The following UBE2Z variants were observed in gnomAD, a reference collection of about 807,000 sequenced individuals.
UBE2Z encodes ubiquitin conjugating enzyme E2 Z, also known as ubiquitin-conjugating enzyme E2 Z.
In UBE2Z, 10 loss-of-function variants were observed where a neutral mutation model predicts 32.6. That is an observed-to-expected ratio of 0.31 (90% CI 0.19 to 0.52). UBE2Z has a LOEUF of 0.52. UBE2Z is among the 20% of genes least tolerant of loss of function. The pLI, the probability that UBE2Z is intolerant of heterozygous loss-of-function variation, is 0.97. For synonymous variants in UBE2Z, 183 were observed against 190.8 expected (o/e 0.96, Z 0.34); for missense variants, 343 against 480.9 (o/e 0.71, Z 2.68).
intron 6 of UBE2Z, among the ~76,000 whole-genome samples, chr17:48,923,322 A>T (rs1272106870): frequency 9.7e-5 from 1 of 10,306 alleles, no homozygotes; most frequent in Non-Finnish European, 3.7e-3. Context: ...CTCTGTCTCA[A>T]AAAAAAAAAA....
intron 4 of UBE2Z, among the ~76,000 whole-genome samples, chr17:48,919,773 C>T (rs2040746433): frequency 6.6e-6 from 1 of 152,194 alleles, no homozygotes; most frequent in Non-Finnish European, 1.5e-5. Flanking sequence ...CCATCGGGCC[C>T]AGCCCTACTT....
intron 4 of UBE2Z, among the ~76,000 whole-genome samples, chr17:48,916,895 A>C (rs11079841): frequency 0.98 from 149,369 of 152,034 alleles, 73,441 homozygotes; most frequent in East Asian, 1. Context: ...ACTAAAAATA[A>C]AAGAAATTAG....
At chr17:48,910,084 G>A (rs1018791604) in intron 1 of UBE2Z, among the ~76,000 whole-genome samples, 1 of 152,044 alleles carries the variant, frequency 6.6e-6, no homozygotes, top group Admixed American at 6.6e-5. Context: ...ACCCACCCTA[G>A]CAAGTCCCTA....
chr17:48,919,947 C>CT lies in UBE2Z; in HGVS notation c.691-1203dup, dbSNP rs1187040529. On this transcript the variant is annotated intron_variant, in intron 4 of 6. Transcript: ENST00000360943. ...TTTGTCCCACCATCATTCTTTCTGT[C>CT]TTTTTTTTTTCTCCCCCTAAAGAGA... is the stretch of plus-strand genomic sequence containing the variant. Among the ~76,000 whole-genome samples the CT allele has an allele frequency of 6.2e-3, 934 of 149,896 alleles. 9 individuals are homozygous for CT. The highest frequency in any genetic ancestry group is 0.021 in the African/African-American group (857 of 40,918).
intron 5 of UBE2Z, 77 bp from the exon 6 acceptor site, chr17:48,922,770 A>T: frequency 2.5e-6 from 3 of 1,217,186 alleles, no homozygotes; most frequent in Non-Finnish European, 3.5e-6. Context: ...CCATCTGAAA[A>T]AAAAAAAAGG....
chr17:48,918,993 C>T (rs1294886038), intron 4 of UBE2Z, among the ~76,000 whole-genome samples: 3 of 152,036 alleles, frequency 2.0e-5, no homozygotes, highest in African/African-American at 4.8e-5. Flanking sequence ...GCAGTCTGCC[C>T]ACGTCCGCCT....
chr17:48,920,429 G>A (rs949132662), intron 4 of UBE2Z, among the ~76,000 whole-genome samples: 4 of 152,178 alleles, frequency 2.6e-5, no homozygotes, highest in African/African-American at 9.6e-5. Context: ...CCCAGGAGGC[G>A]GAGGTTGCAG....
At chr17:48,914,667 A>G in intron 3 of UBE2Z, among the ~76,000 whole-genome samples, 1 of 152,226 alleles carries the variant, frequency 6.6e-6, no homozygotes, top group East Asian at 1.9e-4. Flanking sequence ...AAGTAGTAGA[A>G]GTGTGTTAGG....
intron 2 of UBE2Z, 122 bp from the exon 3 acceptor site, chr17:48,912,712 T>A: frequency 4.0e-6 from 4 of 1,000,728 alleles, no homozygotes; most frequent in Non-Finnish European, 6.1e-6. Flanking sequence ...ATGGTGAGGA[T>A]ATAGAACATG....
intron 6 of UBE2Z, among the ~76,000 whole-genome samples, chr17:48,925,281 CAAAA>C (rs200181647): frequency 0.017 from 1,815 of 108,260 alleles, 42 homozygotes; most frequent in African/African-American, 0.07. Context: ...GACTCCACCT[CAAAA>C]AAAAAAAAAA....
intron 4 of UBE2Z, among the ~76,000 whole-genome samples, chr17:48,920,928 TG>T (rs2040754082): frequency 6.6e-6 from 1 of 152,070 alleles, no homozygotes; most frequent in South Asian, 2.1e-4. Context: ...TCTAGTTTGC[TG>T]GTGATAGGCC....
At chr17:48,910,516 TGGCTTTTCCA>T (rs766880496) in intron 1 of UBE2Z, 261 of 325,122 alleles carry the variant, frequency 8.0e-4, no homozygotes, top group Admixed American at 1.2e-3. Flanking sequence ...AAGTGGAAAG[TGGCTTTTCCA>T]GGCTGACATT....
intron 2 of UBE2Z, chr17:48,911,227 C>G: frequency 4.1e-6 from 1 of 242,118 alleles, no homozygotes; most frequent in Non-Finnish European, 8.3e-6. Flanking sequence ...CCCAGCTCTT[C>G]CCCCATCCCG....
intron 4 of UBE2Z, among the ~76,000 whole-genome samples, chr17:48,919,254 G>A (rs1179170768): frequency 6.6e-6 from 1 of 152,100 alleles, no homozygotes; most frequent in Admixed American, 6.5e-5. Context: ...AAAGTGCTGG[G>A]ATTACAGGTG....
intron 4 of UBE2Z, 45 bp from the exon 5 acceptor site, chr17:48,921,115 T>A (rs2040755143): frequency 6.5e-7 from 1 of 1,535,648 alleles, no homozygotes; most frequent in African/African-American, 1.4e-5. Context: ...ATTGGTTTTC[T>A]TTTTGCTTAA....
intron 5 of UBE2Z, among the ~76,000 whole-genome samples, chr17:48,921,521 C>T (rs931323775): frequency 9.9e-5 from 15 of 152,202 alleles, no homozygotes; most frequent in Admixed American, 3.3e-4. Context: ...TTGATGAAGG[C>T]TTGGACGTAC....
At chr17:48,914,683 A>G (rs967264410) in intron 3 of UBE2Z, among the ~76,000 whole-genome samples, 6 of 152,196 alleles carry the variant, frequency 3.9e-5, no homozygotes, top group African/African-American at 1.2e-4. Flanking sequence ...TTAGGTAGAA[A>G]AGGAGAAGCT....
chr17:48,909,454 C>G (rs2143755017), intron 1 of UBE2Z, among the ~76,000 whole-genome samples: 1 of 152,096 alleles, frequency 6.6e-6, no homozygotes, highest in African/African-American at 2.4e-5. Context: ...ACGCCTCTTC[C>G]AGAAACACAG....
At chr17:48,913,586 C>T (rs1240874313) in intron 3 of UBE2Z, among the ~76,000 whole-genome samples, 1 of 152,168 alleles carries the variant, frequency 6.6e-6, no homozygotes, top group African/African-American at 2.4e-5. Flanking sequence ...ATCTCTTGAC[C>T]TCATCATCCA....
Sources: allele counts gnomAD v4.1 joint callset (sites outside exome capture counted in the v4.1 genomes callset), GRCh38; gene constraint gnomAD v4.1.1; transcripts MANE v1.5; gene names NCBI Gene and HGNC (gene_info 2026-07-23, HGNC 2026-07-21).